PIK3R1: variants seen among roughly 807,000 people sequenced by gnomAD.
PIK3R1 encodes the protein phosphoinositide-3-kinase regulatory subunit 1.
A neutral mutation model predicts 98.0 loss-of-function variants in PIK3R1; 29 were observed. The observed-to-expected ratio is 0.30, with a 90% confidence interval of 0.22 to 0.40. The LOEUF is 0.40. Among genes scored for constraint, PIK3R1 ranks in the 10% least tolerant of loss-of-function variants. PIK3R1 has a pLI of 1.00. For synonymous variants in PIK3R1, 282 were observed against 311.8 expected, an observed-to-expected ratio of 0.90 and a Z score of 1.01; for missense variants, 596 against 872.7, an observed-to-expected ratio of 0.68 and a Z score of 3.99.
intron 2 of PIK3R1, among the ~76,000 whole-genome samples, chr5:68,235,051 C>T (rs965130736): frequency 6.6e-6 from 1 of 152,074 alleles, no homozygotes; most frequent in Non-Finnish European, 1.5e-5. Flanking sequence ...AATATGTTAA[C>T]TTTTTAGCTA....
At chr5:68,232,243 A>G (rs1308333361) in intron 2 of PIK3R1, among the ~76,000 whole-genome samples, 2 of 152,220 alleles carry the variant, frequency 1.3e-5, no homozygotes, top group Non-Finnish European at 2.9e-5. Context: ...TATATTCTCA[A>G]TACATTCTTG....
In PIK3R1 at chr5:68,226,098, C is replaced by T. The variant is rs1415976534; in HGVS notation, c.-386-192C>T. ...ATTGCCTCATGCCGACACTCCTCCC[C>T]TCTGCCCCCGCCCGGTGTTCTTAGA... On this transcript the variant is annotated intron_variant, in intron 1 of 15. Coordinates refer to ENST00000521381, the MANE Select transcript of PIK3R1 (RefSeq NM_181523.3). Among the ~76,000 whole-genome samples, 3 of 152,184 alleles carry T rather than the reference C, an allele frequency of 2.0e-5. No individual in the cohort carries two copies. The South Asian group carries it at 6.2e-4, about 32-fold the overall frequency.
At chr5:68,275,983 A>T (rs1015349898) in intron 4 of PIK3R1, among the ~76,000 whole-genome samples, 2 of 152,350 alleles carry the variant, frequency 1.3e-5, no homozygotes, top group African/African-American at 4.8e-5. Flanking sequence ...ACTTTAACTC[A>T]CCAGAAAAGA....
chr5:68,280,304 T>C, intron 5 of PIK3R1: 3 of 569,794 alleles, frequency 5.3e-6, no homozygotes, highest in Non-Finnish European at 9.3e-6. Context: ...TTGTGGTTTC[T>C]TTACACACTG....
chr5:68,277,480 C>T lies in PIK3R1; in HGVS notation c.503-2122C>T, dbSNP rs181464249. Among the ~76,000 whole-genome samples the T allele has an allele frequency of 5.9e-4, 90 of 152,270 alleles. No homozygotes were observed. In the East Asian group the frequency reaches 0.014, roughly 23 times the overall value. ...TTTCCTCAAGTTGACCTATCCATAT[C>T]CTATTCCAGACCTACTTTTCTTAGA... is the stretch of plus-strand genomic sequence containing the variant. On this transcript the variant is annotated intron_variant, in intron 4 of 15. Coordinates refer to ENST00000521381, the MANE Select transcript of PIK3R1 (RefSeq NM_181523.3).
At chr5:68,289,055 T>G (rs893465365) in intron 7 of PIK3R1, among the ~76,000 whole-genome samples, 3 of 152,108 alleles carry the variant, frequency 2.0e-5, no homozygotes, top group Non-Finnish European at 4.4e-5. Flanking sequence ...CTCCCTGAGT[T>G]AGTTTGCCAC....
intron 1 of PIK3R1, among the ~76,000 whole-genome samples, chr5:68,222,143 G>C (rs1480659497): frequency 6.6e-6 from 1 of 152,106 alleles, no homozygotes; most frequent in Non-Finnish European, 1.5e-5. Context: ...ATAGTTTAGT[G>C]GGCAGGTATA....
intron 4 of PIK3R1, among the ~76,000 whole-genome samples, chr5:68,274,318 T>A (rs1257544441): frequency 6.6e-6 from 1 of 152,210 alleles, no homozygotes; most frequent in African/African-American, 2.4e-5. Flanking sequence ...TCGCTCTGTG[T>A]ATCTACCATC....
intron 2 of PIK3R1, among the ~76,000 whole-genome samples, chr5:68,262,792 T>TAG (rs1168945998): frequency 2.1e-4 from 1 of 4,808 alleles, no homozygotes; most frequent in East Asian, 2.6e-3. Flanking sequence ...TAGATACATG[T>TAG]ATACGTAGAT....
chr5:68,281,893 T>C (rs1217360562), intron 7 of PIK3R1, among the ~76,000 whole-genome samples: 2 of 152,178 alleles, frequency 1.3e-5, no homozygotes, highest in African/African-American at 4.8e-5. Context: ...TTTTTCTTAA[T>C]TGGGTATTGC....
intron 2 of PIK3R1, among the ~76,000 whole-genome samples, chr5:68,259,418 A>G (rs942555496): frequency 6.6e-6 from 1 of 152,086 alleles, no homozygotes; most frequent in Non-Finnish European, 1.5e-5. Context: ...CTCATTGACT[A>G]TTTTGTGTAT....
intron 1 of PIK3R1, among the ~76,000 whole-genome samples, chr5:68,222,888 A>G (rs1744139769): frequency 1.3e-5 from 2 of 152,116 alleles, no homozygotes; most frequent in South Asian, 4.1e-4. Context: ...GACTGCCTGG[A>G]TCTGAATTCT....
intron 14 of PIK3R1, 77 bp downstream of exon 14, chr5:68,295,565 G>A (rs945934746): frequency 8.3e-7 from 1 of 1,211,192 alleles, no homozygotes; most frequent in Admixed American, 1.7e-5. Context: ...TTTGTTTTTA[G>A]AACAAGTGAG....
In PIK3R1 at chr5:68,281,045, A is replaced by T. The variant is rs536980557; in HGVS notation, c.916+39A>T. ...AGCATTTAACATTCTCTCATTGTTC[A>T]TTTTTTAGAGCCTTAAAAAATGATG... is the stretch of plus-strand genomic sequence containing the variant. On this transcript the variant is annotated intron_variant, in intron 7 of 15. Transcript: ENST00000521381. The T allele has an allele frequency of 2.2e-6, 3 of 1,381,352 alleles. No individual in the cohort carries two copies. In the African/African-American group the frequency reaches 4.4e-5, roughly 20 times the overall value. 85.6% of individuals were successfully genotyped at this position (1,381,352 alleles called of 1,614,324 possible). A position where few individuals can be genotyped will look rare whatever the true frequency, so the allele number is the denominator to read the frequency against.
At chr5:68,225,947 G>A (rs1744257124) in intron 1 of PIK3R1, among the ~76,000 whole-genome samples, 1 of 152,160 alleles carries the variant, frequency 6.6e-6, no homozygotes, top group Non-Finnish European at 1.5e-5. Context: ...TGCAGTTAGT[G>A]TGCTTTCTCC....
At chr5:68,229,618 G>A (rs573423596) in intron 2 of PIK3R1, among the ~76,000 whole-genome samples, 2 of 152,276 alleles carry the variant, frequency 1.3e-5, no homozygotes, top group Non-Finnish European at 2.9e-5. Context: ...AGGGTGCGAG[G>A]ACAGCCTGCA....
In PIK3R1 at chr5:68,295,123, A is replaced by G. The variant is rs1488519993; in HGVS notation, c.1569-25A>G. 4.4e-6 allele frequency: 7 copies of G among 1,605,598 alleles called. No homozygotes were observed. In the Admixed American group the frequency reaches 6.7e-5, roughly 15 times the overall value. On this transcript the variant is annotated intron_variant, in intron 12 of 15. Coordinates refer to ENST00000521381, the MANE Select transcript of PIK3R1 (RefSeq NM_181523.3). ...CCGTTCCTGATGTACCCAGATAATAACAAATACGTTTCTTTTGCCTGCAGG... is the reference window on the plus strand; with the variant it reads ...CCGTTCCTGATGTACCCAGATAATAGCAAATACGTTTCTTTTGCCTGCAGG...
At chr5:68,251,315 G>A (rs1745297669) in intron 2 of PIK3R1, among the ~76,000 whole-genome samples, 1 of 152,078 alleles carries the variant, frequency 6.6e-6, no homozygotes, top group Non-Finnish European at 1.5e-5. Context: ...TGGTAGCCCT[G>A]TGCTTGAGAT....
intron 11 of PIK3R1, 45 bp from the exon 12 acceptor site, chr5:68,294,491 G>T (rs764762338): frequency 1.3e-6 from 2 of 1,483,544 alleles, no homozygotes; most frequent in African/African-American, 1.4e-5. Context: ...GTAAGAGATT[G>T]TTCTATGAAA....
Sources: gnomAD v4.1 joint callset for allele counts (sites outside exome capture counted in the v4.1 genomes callset) on GRCh38, gnomAD v4.1.1 for gene constraint, MANE v1.5 for transcripts, NCBI Gene and HGNC (gene_info 2026-07-23, HGNC 2026-07-21) for gene names.